The following EFHC1 variants were observed in gnomAD, a reference collection of about 807,000 sequenced individuals.
The protein encoded by EFHC1 is EF-hand domain containing 1, also known as EF-hand domain-containing protein 1.
Under a neutral mutation model 69.9 loss-of-function variants are expected in EFHC1, and 53 were observed. The ratio of observed to expected loss-of-function variants is 0.76; its 90% CI spans 0.61 to 0.95. The LOEUF (loss-of-function observed/expected upper bound fraction) is 0.95. Ranked by LOEUF, EFHC1 falls within the 40% of genes least tolerant of loss-of-function variation. The pLI is 0.00. For synonymous variants in EFHC1, 256 were observed against 278.4 expected, an observed-to-expected ratio of 0.92 and a Z score of 0.80; for missense variants, 739 against 798.7, an observed-to-expected ratio of 0.93 and a Z score of 0.90.
rs115809617 is a variant in EFHC1 at position 52,450,249 on chromosome 6, G to C, written c.574-2439G>C. On this transcript the variant is annotated intron_variant, in intron 3 of 10. Coordinates refer to ENST00000371068, the MANE Select transcript of EFHC1 (RefSeq NM_018100.4). Reference sequence around the variant, plus strand: ...TTATGTGGTCGATTTTAGAATATGTGCCATGTGGTGATGAGAATAACGTAT... The same window carrying C: ...TTATGTGGTCGATTTTAGAATATGTCCCATGTGGTGATGAGAATAACGTAT... Among the ~76,000 whole-genome samples the C allele has an allele frequency of 3.2e-3, 492 of 152,256 alleles. 2 individuals are homozygous for C. Among genetic ancestry groups the C allele is most frequent in the African/African-American group, 0.012 (481 of 41,552 alleles).
At chr6:52,465,254 T>C in intron 6 of EFHC1, 139 bp downstream of exon 6, 1 of 739,282 alleles carries the variant, frequency 1.4e-6, no homozygotes, top group Admixed American at 2.8e-5. Context: ...AAAGAAGAAA[T>C]ACAAATGACA....
At chr6:52,430,262 G>A (rs2113971984) in intron 2 of EFHC1, 1 of 152,304 alleles carries the variant, frequency 6.6e-6, no homozygotes, top group Non-Finnish European at 1.5e-5. Flanking sequence ...GAGGAGTGGA[G>A]AGAGTGGGCA....
intron 7 of EFHC1, among the ~76,000 whole-genome samples, chr6:52,477,298 T>G (rs1380768124): frequency 6.6e-6 from 1 of 152,204 alleles, no homozygotes; most frequent in Non-Finnish European, 1.5e-5. Context: ...GATGAAGGAA[T>G]GATATGAGAA....
intron 1 of EFHC1, 85 bp downstream of exon 1, chr6:52,420,558 C>CT: frequency 6.7e-7 from 1 of 1,499,804 alleles, no homozygotes; most frequent in South Asian, 1.1e-5. Flanking sequence ...CTCCATTCCC[C>CT]TCCACTCAAG....
rs1766028845 is a variant in EFHC1, at chr6:52,495,419, A to G, written c.*3078A>G. 1 of 454,146 alleles carries G rather than the reference A, an allele frequency of 2.2e-6. No homozygotes were observed. Among genetic ancestry groups the G allele is most frequent in the East Asian group, 6.9e-5 (1 of 14,402 alleles). The allele number at this position is 454,146 out of a possible 1,614,324, so 28.1% of individuals were successfully genotyped here. On this transcript the variant is annotated 3_prime_UTR_variant, in exon 11 of 11. Coordinates refer to ENST00000371068, the MANE Select transcript of EFHC1 (RefSeq NM_018100.4). ...CTCCATCACTCTTGCCTCCTGTGGT[A>G]GAGGAGCTTTGGGCTACTCCTTAAC...
At chr6:52,426,570 CATT>C (rs1390720436) in intron 2 of EFHC1, among the ~76,000 whole-genome samples, 1 of 152,178 alleles carries the variant, frequency 6.6e-6, no homozygotes, top group Non-Finnish European at 1.5e-5. Context: ...ACTCTGACAT[CATT>C]GAGACTCCAG....
intron 3 of EFHC1, among the ~76,000 whole-genome samples, chr6:52,444,676 C>T (rs1332206327): frequency 6.6e-6 from 1 of 152,164 alleles, no homozygotes; most frequent in Non-Finnish European, 1.5e-5. Flanking sequence ...TGATGTGCTG[C>T]TGGATTCGGT....
intron 1 of EFHC1, chr6:52,421,099 C>A (rs758981277): frequency 1.1e-6 from 1 of 938,734 alleles, no homozygotes; most frequent in Non-Finnish European, 1.3e-6. Flanking sequence ...ATGCTTGCAT[C>A]CAACCCCATT....
At chr6:52,426,302 G>C (rs777662978) in intron 2 of EFHC1, among the ~76,000 whole-genome samples, 23 of 152,008 alleles carry the variant, frequency 1.5e-4, no homozygotes, top group Admixed American at 3.9e-4. Context: ...ATTGTCTTTG[G>C]CTTGTTTATG....
chr6:52,447,051 C>A (rs180725920), intron 3 of EFHC1, among the ~76,000 whole-genome samples: 39 of 152,250 alleles, frequency 2.6e-4, no homozygotes, highest in Non-Finnish European at 5.6e-4. Context: ...TGGAGTTGCT[C>A]TTCTCAAGGA....
rs1307612935 is a variant in EFHC1, at chr6:52,452,782, A to G, written c.668A>G (p.Tyr223Cys). Residue 223 changes from tyrosine to cysteine, a missense_variant, in exon 4 of 11, where the codon TAT (tyrosine) becomes TGT (cysteine). Transcript: ENST00000371068. ...TELRKQPLRK[Y>C]VTPSDFDQLK... ...CTCCGAAAACAGCCTCTTCGTAAGT[A>G]TGTCACCCCATCAGACTTTGATCAA... 1.2e-6 allele frequency: 2 copies of G among 1,614,080 alleles called. No homozygotes were observed. The highest frequency in any genetic ancestry group is 4.5e-5 in the East Asian group (2 of 44,892).
intron 3 of EFHC1, among the ~76,000 whole-genome samples, chr6:52,443,559 G>T (rs1230730607): frequency 6.6e-6 from 1 of 152,118 alleles, no homozygotes; most frequent in Non-Finnish European, 1.5e-5. Context: ...TTTCCCCATT[G>T]CTTGTTTTTC....
At chr6:52,445,410 T>C (rs1764760044) in intron 3 of EFHC1, among the ~76,000 whole-genome samples, 1 of 152,010 alleles carries the variant, frequency 6.6e-6, no homozygotes, top group African/African-American at 2.4e-5. Context: ...TAACTTGTCG[T>C]CTAGCATTAG....
At chr6:52,476,204 G>T (rs1046356578) in intron 7 of EFHC1, among the ~76,000 whole-genome samples, 1 of 152,172 alleles carries the variant, frequency 6.6e-6, no homozygotes, top group African/African-American at 2.4e-5. Context: ...AAGCTGCAGA[G>T]AATTTAAAAA....
chr6:52,478,183 C>T (rs962589305), intron 7 of EFHC1, among the ~76,000 whole-genome samples: 1 of 151,784 alleles, frequency 6.6e-6, no homozygotes, highest in Non-Finnish European at 1.5e-5. Flanking sequence ...GAACAAAAAA[C>T]CAAACACCGC....
intron 4 of EFHC1, chr6:52,453,790 C>T: frequency 2.3e-6 from 3 of 1,280,932 alleles, no homozygotes; most frequent in South Asian, 1.3e-5. Context: ...TAAAGAACTT[C>T]ATTGCTCTTT....
chr6:52,486,262 A>C (rs572675796), intron 9 of EFHC1: 1 of 152,300 alleles, frequency 6.6e-6, no homozygotes, highest in African/African-American at 2.4e-5. Flanking sequence ...TGCATAGGTA[A>C]CTGAGTATTA....
chr6:52,430,724 G>A lies in EFHC1; in HGVS notation c.285+6557G>A, dbSNP rs942371520. Reference sequence around the variant, plus strand: ...GTATTAGGGTGATACTGCCTTCATAGAATGATTTATGGAGGATTCCCTCTT... The same window carrying A: ...GTATTAGGGTGATACTGCCTTCATAAAATGATTTATGGAGGATTCCCTCTT... On this transcript the variant is annotated intron_variant, in intron 2 of 10. Transcript: ENST00000371068. 3.3e-5 allele frequency among the ~76,000 whole-genome samples: 5 copies of A among 152,154 alleles called. No homozygotes were observed. The South Asian group carries it at 1.0e-3, about 31-fold the overall frequency.
Position 52,490,215 on chromosome 6 carries a change from T to A in EFHC1, c.1716T>A (p.Asp572Glu). ...ACACAATTCAGAAGCAACTGAAAGA[T>A]CACTCATGCAAAGACAACATTCGTG... ...LIDTIQKQLKDHSCKDNIREA... is the reference protein window; with the variant it reads ...LIDTIQKQLKEHSCKDNIREA... The change falls in exon 10 of 11, where the codon GAT (aspartate) becomes GAA (glutamate). Residue 572 changes from aspartate (D) to glutamate (E), a missense_variant. By Grantham distance (45) the Asp-to-Glu change is conservative. Transcript: ENST00000371068. 6.2e-7 allele frequency: 1 copy of A among 1,614,102 alleles called. No individual in the cohort carries two copies.
Sources: gnomAD v4.1 joint callset for allele counts (sites outside exome capture counted in the v4.1 genomes callset) on GRCh38, gnomAD v4.1.1 for gene constraint, MANE v1.5 for transcripts, NCBI Gene and HGNC (gene_info 2026-07-23, HGNC 2026-07-21) for gene names.